RAB38: variants seen among roughly 807,000 people sequenced by gnomAD.
RAB38 encodes the protein RAB38, member RAS oncogene family.
RAB38 carries 15 observed loss-of-function variants against 18.4 expected under a neutral mutation model. That is an observed-to-expected ratio of 0.82 (90% CI 0.55 to 1.26). RAB38 has a LOEUF of 1.26. Ranked by LOEUF, RAB38 falls within the 50% of genes most tolerant of loss-of-function variation. The pLI is 0.00. For missense variants in RAB38, 294 were observed against 267.4 expected (o/e 1.10, Z -0.69); for synonymous variants, 101 against 104.4 (o/e 0.97, Z 0.20).
At chr11:88,017,129 A>T in the RAB38 span, among the ~76,000 whole-genome samples, 1 of 152,032 alleles carries the variant, frequency 6.6e-6, no homozygotes, top group Non-Finnish European at 1.5e-5. Context: ...GAAGATAAGC[A>T]CTGCAAGCAG....
chr11:87,909,048 A>T, the RAB38 span, among the ~76,000 whole-genome samples: 1 of 152,020 alleles, frequency 6.6e-6, no homozygotes, highest in Non-Finnish European at 1.5e-5. Flanking sequence ...TGATAATATT[A>T]TCATGGATCT....
downstream of RAB38, among the ~76,000 whole-genome samples, chr11:88,110,701 T>C (rs947476519): frequency 2.0e-5 from 3 of 150,580 alleles, no homozygotes; most frequent in East Asian, 2.0e-4. Flanking sequence ...CCTGTAGTCA[T>C]AGCTACTCGG....
intron 1 of RAB38, among the ~76,000 whole-genome samples, chr11:88,155,882 T>C (rs910104180): frequency 2.6e-5 from 4 of 152,204 alleles, no homozygotes; most frequent in East Asian, 1.9e-4. Context: ...CAAAATACAA[T>C]TGAAAGCTTT....
intron 2 of RAB38, among the ~76,000 whole-genome samples, chr11:88,144,630 G>A (rs1942957859): frequency 6.6e-6 from 1 of 152,176 alleles, no homozygotes; most frequent in Non-Finnish European, 1.5e-5. Flanking sequence ...TAGCTTCAAA[G>A]AAGAGGCAAA....
At chr11:88,174,637 A>AAAC (rs1555014230) in intron 1 of RAB38, among the ~76,000 whole-genome samples, 6 of 133,726 alleles carry the variant, frequency 4.5e-5, no homozygotes, top group South Asian at 4.8e-4. Context: ...AAAAAAAAAA[A>AAAC]AAAACAAAAC....
the RAB38 span, among the ~76,000 whole-genome samples, chr11:87,805,562 T>G: frequency 6.7e-6 from 1 of 148,916 alleles, no homozygotes; most frequent in Non-Finnish European, 1.5e-5. Flanking sequence ...AGGGAGGGAG[T>G]GATTGGCAAG....
At chr11:88,069,896 A>T in the RAB38 span, among the ~76,000 whole-genome samples, 1 of 152,080 alleles carries the variant, frequency 6.6e-6, no homozygotes, top group Non-Finnish European at 1.5e-5. Flanking sequence ...ACCAATCAGC[A>T]CTCTGTGTCT....
At chr11:87,947,100 G>A in the RAB38 span, among the ~76,000 whole-genome samples, 1 of 152,100 alleles carries the variant, frequency 6.6e-6, no homozygotes, top group African/African-American at 2.4e-5. Context: ...GTGTGAGATG[G>A]TATCTCATTG....
chr11:87,904,240 G>A, the RAB38 span, among the ~76,000 whole-genome samples: 2 of 151,538 alleles, frequency 1.3e-5, no homozygotes, highest in African/African-American at 4.8e-5. Context: ...TTCAACCACT[G>A]CTATCCTCTC....
the RAB38 span, among the ~76,000 whole-genome samples, chr11:87,897,266 A>G: frequency 6.6e-6 from 1 of 151,744 alleles, no homozygotes; most frequent in East Asian, 2.0e-4. Context: ...AGTTGGTGCC[A>G]AAGTCCTACC....
At chr11:87,954,959 AATATTGCATCAT>A in the RAB38 span, among the ~76,000 whole-genome samples, 1 of 152,246 alleles carries the variant, frequency 6.6e-6, no homozygotes, top group Non-Finnish European at 1.5e-5. Flanking sequence ...GATAATTAGT[AATATTGCATCAT>A]ATATACTAAG....
chr11:88,154,684 G>A (rs1043474697), intron 1 of RAB38, among the ~76,000 whole-genome samples: 50 of 152,312 alleles, frequency 3.3e-4, no homozygotes, highest in African/African-American at 1.2e-3. Flanking sequence ...CAGGCATTCA[G>A]ACGACCTGTT....
At chr11:87,866,720 T>C in the RAB38 span, among the ~76,000 whole-genome samples, 2 of 151,720 alleles carry the variant, frequency 1.3e-5, no homozygotes, top group Admixed American at 1.3e-4. Context: ...AGGTAGTTAG[T>C]TATGGAAGCT....
At chr11:88,098,840 G>A in the RAB38 span, 1 of 151,908 alleles carries the variant, frequency 6.6e-6, no homozygotes, top group South Asian at 2.1e-4. Flanking sequence ...ATCTCCTCCA[G>A]GTACAGAAAA....
chr11:87,866,171 G>T, the RAB38 span, among the ~76,000 whole-genome samples: 1 of 151,610 alleles, frequency 6.6e-6, no homozygotes, highest in Non-Finnish European at 1.5e-5. Context: ...GGAGAGTGTG[G>T]GGCATAGGGG....
intron 2 of RAB38, among the ~76,000 whole-genome samples, chr11:88,128,668 A>T (rs550866275): frequency 2.6e-4 from 40 of 152,342 alleles, no homozygotes; most frequent in African/African-American, 9.4e-4. Context: ...TCATATGCTC[A>T]TAGTTTTGCC....
At chr11:87,894,739 A>T in the RAB38 span, among the ~76,000 whole-genome samples, 61 of 149,132 alleles carry the variant, frequency 4.1e-4, 1 homozygote, top group Middle Eastern at 3.5e-3. Flanking sequence ...TATATATATA[A>T]AAAATATATG....
the RAB38 span, among the ~76,000 whole-genome samples, chr11:88,090,912 A>G: frequency 2.0e-5 from 3 of 152,006 alleles, no homozygotes; most frequent in African/African-American, 7.2e-5. Context: ...CAGAGTCAAC[A>G]TAACAAGGGC....
the RAB38 span, among the ~76,000 whole-genome samples, chr11:87,960,415 C>T: frequency 2.0e-5 from 3 of 149,544 alleles, no homozygotes; most frequent in East Asian, 5.9e-4. Flanking sequence ...AAGACTTTAA[C>T]GTTCAAAGGA....
Sources: gnomAD v4.1 joint callset for allele counts (sites outside exome capture counted in the v4.1 genomes callset) on GRCh38, gnomAD v4.1.1 for gene constraint, MANE v1.5 for transcripts, NCBI Gene and HGNC (gene_info 2026-07-23, HGNC 2026-07-21) for gene names.